Variants in ELL2 observed in about 807,000 individuals in gnomAD.
ELL2 encodes the protein elongation factor for RNA polymerase II 2.
ELL2 carries 21 observed loss-of-function variants against 72.8 expected under a neutral mutation model. The ratio of observed to expected loss-of-function variants is 0.29; its 90% CI spans 0.20 to 0.42. The LOEUF (loss-of-function observed/expected upper bound fraction) is 0.42. Ranked by LOEUF, ELL2 falls within the 10% of genes least tolerant of loss-of-function variation. The probability of loss-of-function intolerance (pLI) is 1.00; values close to 1 mark genes in which losing one functional copy is unlikely to be tolerated. For missense variants in ELL2, 568 were observed against 772.8 expected (o/e 0.73, Z 3.14); for synonymous variants, 266 against 283.2 (o/e 0.94, Z 0.61).
intron 1 of ELL2, among the ~76,000 whole-genome samples, chr5:95,960,881 C>A (rs1322216624): frequency 6.6e-6 from 1 of 151,910 alleles, no homozygotes; most frequent in Non-Finnish European, 1.5e-5. Context: ...CCCTCCCCCC[C>A]CGTACGCGAA....
chr5:95,924,409 C>T (rs1750212664), intron 2 of ELL2, among the ~76,000 whole-genome samples: 1 of 152,138 alleles, frequency 6.6e-6, no homozygotes, highest in Admixed American at 6.5e-5. Context: ...GATTTTGAAA[C>T]AATATTGGAA....
chr5:95,901,150 T>G, intron 5 of ELL2, 70 bp from the exon 6 acceptor site: 1 of 1,483,544 alleles, frequency 6.7e-7, no homozygotes, highest in South Asian at 1.4e-5. Context: ...ACAGGCAACC[T>G]TTAGGATTTA....
At chr5:95,927,749 GTGTGTATATAGACATACACACACACATA>G (rs1349803757) in intron 2 of ELL2, among the ~76,000 whole-genome samples, 2 of 81,698 alleles carry the variant, frequency 2.4e-5, no homozygotes, top group Non-Finnish European at 2.2e-5. Context: ...ACACACATAT[GTGTGTATATAGACATACACACACACATA>G]TGTGTGTATA....
rs1052582295 is a variant in ELL2 at position 95,888,721 on chromosome 5, G to T, written c.*150C>A. On this transcript the variant is annotated 3_prime_UTR_variant, in exon 12 of 12. Coordinates refer to ENST00000237853, the MANE Select transcript of ELL2 (RefSeq NM_012081.6). ...CAGCTTCGAAATGCAGGGAAGCAAA[G>T]TAAAATGGAAAAGAAAAAGTAACTC... 2.8e-4 allele frequency: 151 copies of T among 539,762 alleles called. No homozygotes were observed. Among genetic ancestry groups the T allele is most frequent in the Middle Eastern group, 1.9e-3 (4 of 2,056 alleles). The allele number at this position is 539,762 out of a possible 1,614,324, so 33.4% of individuals were successfully genotyped here.
At chr5:95,901,194 G>A in intron 5 of ELL2, 114 bp from the exon 6 acceptor site, 2 of 1,172,584 alleles carry the variant, frequency 1.7e-6, no homozygotes, top group African/African-American at 1.6e-5. Flanking sequence ...GGCCCCAAAG[G>A]GACTGCTAGT....
At chr5:95,923,937 T>C (rs1187240129) in intron 2 of ELL2, among the ~76,000 whole-genome samples, 1 of 152,248 alleles carries the variant, frequency 6.6e-6, no homozygotes, top group Non-Finnish European at 1.5e-5. Flanking sequence ...GTAGCACTTA[T>C]GTTTATGGCT....
At chr5:95,941,895 T>G (rs1043917005) in intron 2 of ELL2, among the ~76,000 whole-genome samples, 2 of 152,206 alleles carry the variant, frequency 1.3e-5, no homozygotes, top group Non-Finnish European at 2.9e-5. Flanking sequence ...TAAAAAGCTA[T>G]ACAACAAAAT....
chr5:95,906,335 T>G (rs980399817), intron 5 of ELL2, among the ~76,000 whole-genome samples, 188 bp downstream of exon 5: 1 of 152,218 alleles, frequency 6.6e-6, no homozygotes, highest in African/African-American at 2.4e-5. Context: ...TCAACTAGTT[T>G]TTAATTAAGT....
intron 2 of ELL2, among the ~76,000 whole-genome samples, chr5:95,934,575 C>T (rs960957317): frequency 6.6e-6 from 1 of 152,228 alleles, no homozygotes; most frequent in Non-Finnish European, 1.5e-5. Context: ...ACTCTGCCTG[C>T]ACCTTCTTTC....
At chr5:95,958,517 C>A (rs561066758) in intron 1 of ELL2, among the ~76,000 whole-genome samples, 2 of 152,252 alleles carry the variant, frequency 1.3e-5, no homozygotes, top group South Asian at 2.1e-4. Context: ...TTGGTTTCTT[C>A]CCAGTTTTCA....
intron 2 of ELL2, among the ~76,000 whole-genome samples, chr5:95,927,400 T>C (rs566860408): frequency 0.029 from 851 of 29,460 alleles, 188 homozygotes; most frequent in African/African-American, 0.11. Flanking sequence ...TATATAGACA[T>C]ACACACACGT....
intron 2 of ELL2, among the ~76,000 whole-genome samples, chr5:95,933,036 C>T (rs902972772): frequency 2.0e-5 from 3 of 152,162 alleles, no homozygotes; most frequent in Non-Finnish European, 4.4e-5. Flanking sequence ...GTATTTTACT[C>T]ATGTCAGATT....
At position 95,885,947 on chromosome 5, in the gene ELL2, T is replaced by C. The variant is rs2112257524; in HGVS notation, c.*2924A>G. ...TATATTTTAAAAAGCCCACATCTAG[T>C]TAATGTTCTCTTAGTTTGTTTTAAA... On this transcript the variant is annotated 3_prime_UTR_variant, in exon 12 of 12. Transcript: ENST00000237853. 1 of 152,356 alleles carries C rather than the reference T, an allele frequency of 6.6e-6. No individual in the cohort carries two copies. Among genetic ancestry groups the C allele is most frequent in the South Asian group, 2.1e-4 (1 of 4,830 alleles). 9.4% of individuals were successfully genotyped at this position (152,356 alleles called of 1,614,324 possible).
chr5:95,925,417 G>A (rs1304836764), intron 2 of ELL2, among the ~76,000 whole-genome samples: 1 of 152,218 alleles, frequency 6.6e-6, no homozygotes, highest in East Asian at 1.9e-4. Context: ...CTCCATGGCT[G>A]TCTGAAACAC....
chr5:95,889,007 A>C lies in ELL2; in HGVS notation c.1807-20T>G. On this transcript the variant is annotated intron_variant, in intron 11 of 11. Transcript: ENST00000237853. ...ACTAGACTGCAGATGAAAAAAAAAA[A>C]AAAAAAAGAGGAATGAGATTGCAGA... 1 of 1,578,536 alleles carries C rather than the reference A, an allele frequency of 6.3e-7. No individual in the cohort carries two copies. The highest frequency in any genetic ancestry group is 8.6e-7 in the Non-Finnish European group (1 of 1,166,490).
intron 11 of ELL2, 27 bp from the exon 12 acceptor site, chr5:95,889,014 AGAG>A: frequency 6.5e-7 from 1 of 1,537,212 alleles, no homozygotes; most frequent in Non-Finnish European, 8.8e-7. Context: ...AAAAAAAAAA[AGAG>A]GAATGAGATT....
At chr5:95,954,440 TCTGTC>T (rs1751541877) in intron 1 of ELL2, among the ~76,000 whole-genome samples, 1 of 147,952 alleles carries the variant, frequency 6.8e-6, no homozygotes, top group African/African-American at 2.5e-5. Context: ...AGAGTCTTGC[TCTGTC>T]GCCCAGGCTG....
chr5:95,918,390 T>C (rs895297187), intron 3 of ELL2, among the ~76,000 whole-genome samples: 1 of 152,234 alleles, frequency 6.6e-6, no homozygotes, highest in Non-Finnish European at 1.5e-5. Context: ...ACATTTAAGT[T>C]TGAAGGTGGG....
rs370672982 is a variant in ELL2 at position 95,885,367 on chromosome 5, T to C, written c.*3504A>G. ...CTTCAGTTAGTAGTGCCAGTTAATA[T>C]TGTTTCTGAAAACTTTCCTCTCAAA... On this transcript the variant is annotated 3_prime_UTR_variant, in exon 12 of 12. Transcript: ENST00000237853. The C allele has an allele frequency of 2.0e-5, 3 of 152,250 alleles. No homozygotes were observed. Among genetic ancestry groups the C allele is most frequent in the African/African-American group, 7.2e-5 (3 of 41,466 alleles). The allele number at this position is 152,250 out of a possible 1,614,324, so 9.4% of individuals were successfully genotyped here.
Sources: allele counts gnomAD v4.1 joint callset (sites outside exome capture counted in the v4.1 genomes callset), GRCh38; gene constraint gnomAD v4.1.1; transcripts MANE v1.5; gene names NCBI Gene and HGNC (gene_info 2026-07-23, HGNC 2026-07-21).